OTOGL: variants seen among roughly 807,000 people sequenced by gnomAD.
The protein encoded by OTOGL is otogelin like, also known as otogelin-like protein.
A neutral mutation model predicts 318.5 loss-of-function variants in OTOGL; 285 were observed. The observed-to-expected ratio is 0.89, with a 90% CI of 0.81 to 0.99. The LOEUF (loss-of-function observed/expected upper bound fraction) is 0.99, where lower values mean the gene tolerates loss of function less well. OTOGL is among the 50% of genes least tolerant of loss of function. The pLI is 0.00. For missense variants in OTOGL, 2,899 were observed against 2,845.6 expected (o/e 1.02, Z -0.43); for synonymous variants, 987 against 936.5 (o/e 1.05, Z -0.99).
At chr12:80,334,635 A>G (rs1283421175) in intron 38 of OTOGL, among the ~76,000 whole-genome samples, 2 of 152,146 alleles carry the variant, frequency 1.3e-5, no homozygotes, top group Non-Finnish European at 2.9e-5. Context: ...GAGAAAATGT[A>G]GGAGGCTGCA....
intron 18 of OTOGL, among the ~76,000 whole-genome samples, chr12:80,261,476 C>T (rs1429518187): frequency 6.6e-6 from 1 of 152,018 alleles, no homozygotes; most frequent in Non-Finnish European, 1.5e-5. Flanking sequence ...AAATATTGAA[C>T]TGGATATATA....
intron 1 of OTOGL, among the ~76,000 whole-genome samples, chr12:80,117,187 T>G (rs965882101): frequency 6.6e-6 from 1 of 152,162 alleles, no homozygotes; most frequent in Non-Finnish European, 1.5e-5. Flanking sequence ...ATAATCACTT[T>G]TACCTTTGAA....
At chr12:80,139,570 T>C (rs1415457326) in intron 1 of OTOGL, among the ~76,000 whole-genome samples, 5 of 152,166 alleles carry the variant, frequency 3.3e-5, no homozygotes, top group African/African-American at 1.2e-4. Flanking sequence ...TTTTTGTTGT[T>C]TGTTTGTTTG....
At position 80,257,761 on chromosome 12, in the gene OTOGL, C is replaced by T. The variant is rs1173413713; in HGVS notation, c.1712-64C>T. ...GGGGAAGAGAGTCCTGGTGGTGTAC[C>T]CTAGCATTTCAGAACACCGTCTATG... On this transcript the variant is annotated intron_variant, in intron 17 of 58. Transcript: ENST00000547103. The T allele has an allele frequency of 3.8e-6, 5 of 1,322,338 alleles. No homozygotes were observed. The East Asian group carries it at 1.2e-4, about 33-fold the overall frequency. 81.9% of individuals were successfully genotyped at this position (1,322,338 alleles called of 1,614,324 possible).
At chr12:80,329,841 T>C (rs977894469) in intron 37 of OTOGL, among the ~76,000 whole-genome samples, 4 of 152,210 alleles carry the variant, frequency 2.6e-5, no homozygotes, top group African/African-American at 9.6e-5. Flanking sequence ...TGAGGAGATA[T>C]GATAAACAAG....
chr12:80,129,817 T>G (rs935114711), intron 1 of OTOGL, among the ~76,000 whole-genome samples: 21 of 152,204 alleles, frequency 1.4e-4, no homozygotes, highest in African/African-American at 4.6e-4. Flanking sequence ...TTTTGACCTC[T>G]TTATAGCATT....
chr12:80,361,282 G>A (rs1890225257), intron 52 of OTOGL: 1 of 151,860 alleles, frequency 6.6e-6, no homozygotes, highest in African/African-American at 2.4e-5. Flanking sequence ...TGTCCTCCAG[G>A]TTCATCCATG....
At chr12:80,205,368 AC>A (rs1876741864) in intron 1 of OTOGL, among the ~76,000 whole-genome samples, 1 of 152,214 alleles carries the variant, frequency 6.6e-6, no homozygotes, top group Non-Finnish European at 1.5e-5. Context: ...AAGTTGAAAA[AC>A]AAATGTCGCT....
Position 80,115,065 on chromosome 12 carries a change from G to T in OTOGL, c.-20+15460G>T, listed in dbSNP as rs1170489155. 2.0e-5 allele frequency among the ~76,000 whole-genome samples: 3 copies of T among 152,120 alleles called. No homozygotes were observed. In the East Asian group the frequency reaches 5.8e-4, roughly 30 times the overall value. ...GGTTAGAACATGCAAGCTCAGAGAAGTTTATGACCCACCTTCTGAAGGCTA... is the reference window on the plus strand; with the variant it reads ...GGTTAGAACATGCAAGCTCAGAGAATTTTATGACCCACCTTCTGAAGGCTA... On this transcript the variant is annotated intron_variant, in intron 1 of 58. Coordinates refer to ENST00000547103, the MANE Select transcript of OTOGL (RefSeq NM_001378609.3).
intron 38 of OTOGL, among the ~76,000 whole-genome samples, chr12:80,333,649 G>A (rs1304057789): frequency 6.6e-6 from 1 of 152,018 alleles, no homozygotes; most frequent in Non-Finnish European, 1.5e-5. Context: ...CGTTCTATTG[G>A]AGTTTCTGAG....
chr12:80,167,957 G>GCCTCT (rs751042393), intron 1 of OTOGL, among the ~76,000 whole-genome samples: 49 of 147,272 alleles, frequency 3.3e-4, no homozygotes, highest in African/African-American at 1.0e-3. Context: ...TCCTCTCCTT[G>GCCTCT]CCTCTCCTCT....
chr12:80,342,256 C>T (rs1454779264), intron 44 of OTOGL, 94 bp downstream of exon 44: 2 of 989,372 alleles, frequency 2.0e-6, no homozygotes, highest in African/African-American at 3.3e-5. Flanking sequence ...TGTTCTTCTA[C>T]TGAGAACAAA....
chr12:80,224,086 T>C (rs949499656), intron 7 of OTOGL, among the ~76,000 whole-genome samples: 2 of 152,172 alleles, frequency 1.3e-5, no homozygotes, highest in Non-Finnish European at 2.9e-5. Flanking sequence ...ATTTTATCCA[T>C]CTTGAGTTGA....
At chr12:80,327,426 G>A (rs1478242749) in intron 35 of OTOGL, among the ~76,000 whole-genome samples, 1 of 152,072 alleles carries the variant, frequency 6.6e-6, no homozygotes, top group African/African-American at 2.4e-5. Flanking sequence ...CCAGATTTGG[G>A]CACAGGTCCT....
Position 80,378,434 on chromosome 12 carries a change from T to A in OTOGL, c.*386T>A, listed in dbSNP as rs1891296757. 5.8e-6 allele frequency: 1 copy of A among 172,564 alleles called. No homozygotes were observed. Among genetic ancestry groups the A allele is most frequent in the African/African-American group, 2.4e-5 (1 of 41,782 alleles). The allele number at this position is 172,564 out of a possible 1,614,324, so 10.7% of individuals were successfully genotyped here. Reference sequence around the variant, plus strand: ...TATAGCTATCCAAATTAAGGTACCCTTTAATATGTACTCCTTAATCTGGTA... The same window carrying A: ...TATAGCTATCCAAATTAAGGTACCCATTAATATGTACTCCTTAATCTGGTA... On this transcript the variant is annotated 3_prime_UTR_variant, in exon 59 of 59. Transcript: ENST00000547103.
At chr12:80,165,970 A>C (rs2137204152) in intron 1 of OTOGL, among the ~76,000 whole-genome samples, 1 of 152,328 alleles carries the variant, frequency 6.6e-6, no homozygotes, top group Non-Finnish European at 1.5e-5. Flanking sequence ...CCTGCTGTAA[A>C]GCCAATATGT....
intron 1 of OTOGL, among the ~76,000 whole-genome samples, chr12:80,188,012 C>T (rs1370897072): frequency 6.6e-6 from 1 of 152,150 alleles, no homozygotes; most frequent in Non-Finnish European, 1.5e-5. Context: ...AAGGCTGACT[C>T]AGTGCCAGGA....
intron 26 of OTOGL, among the ~76,000 whole-genome samples, chr12:80,279,903 A>G (rs1464763947): frequency 2.0e-5 from 3 of 151,664 alleles, no homozygotes; most frequent in Non-Finnish European, 4.4e-5. Flanking sequence ...TTACATTCTC[A>G]CCAGCAGCAT....
At chr12:80,328,912 T>C (rs932468057) in intron 36 of OTOGL, 139 bp from the exon 37 acceptor site, 2 of 1,009,772 alleles carry the variant, frequency 2.0e-6, no homozygotes, top group African/African-American at 3.3e-5. Flanking sequence ...TTTTAAATCA[T>C]GTAGATCTTC....
Sources: gnomAD v4.1 joint callset for allele counts (sites outside exome capture counted in the v4.1 genomes callset) on GRCh38, gnomAD v4.1.1 for gene constraint, MANE v1.5 for transcripts, NCBI Gene and HGNC (gene_info 2026-07-23, HGNC 2026-07-21) for gene names.